Variants in FHOD3 observed in about 807,000 individuals in gnomAD.
The protein encoded by FHOD3 is FH1/FH2 domain-containing protein 3.
A neutral mutation model predicts 173.0 loss-of-function variants in FHOD3; 90 were observed. The observed-to-expected ratio is 0.52, with a 90% CI of 0.44 to 0.62. The LOEUF is 0.62. FHOD3 is among the 20% of genes least tolerant of loss of function. The pLI, the probability that FHOD3 is intolerant of heterozygous loss-of-function variation, is 0.00. For synonymous variants in FHOD3, 828 were observed against 823.0 expected, an observed-to-expected ratio of 1.01 and a Z score of -0.10; for missense variants, 1,945 against 2,034.7, an observed-to-expected ratio of 0.96 and a Z score of 0.85.
chr18:36,353,576 T>G (rs997480153), intron 1 of FHOD3, among the ~76,000 whole-genome samples: 2 of 152,232 alleles, frequency 1.3e-5, no homozygotes, highest in Non-Finnish European at 2.9e-5. Context: ...TAGCTTTCAT[T>G]TTGGAATAAT....
At chr18:36,739,707 C>G (rs923231548) in intron 20 of FHOD3, among the ~76,000 whole-genome samples, 2 of 152,122 alleles carry the variant, frequency 1.3e-5, no homozygotes, top group African/African-American at 4.8e-5. Context: ...TAGAGTTATA[C>G]CTATGCGTTT....
At chr18:36,765,927 T>C (rs1234968126) in intron 27 of FHOD3, among the ~76,000 whole-genome samples, 1 of 152,080 alleles carries the variant, frequency 6.6e-6, no homozygotes, top group South Asian at 2.1e-4. Flanking sequence ...TTTGAAGAGA[T>C]GGCTGAGAAT....
chr18:36,741,052 C>G (rs1410846016), intron 21 of FHOD3, among the ~76,000 whole-genome samples: 5 of 152,108 alleles, frequency 3.3e-5, no homozygotes, highest in Non-Finnish European at 7.3e-5. Context: ...GCCTCAGACA[C>G]TAGATTGTGG....
In FHOD3 at chr18:36,456,355, A is replaced by T. The variant is rs570803086; in HGVS notation, c.338-45577A>T. ...AGCTGGGGTCCGGGCTGTAGACTTTATCAGCAGCACCATCTTAGGGGTTTG... is the reference window on the plus strand; with the variant it reads ...AGCTGGGGTCCGGGCTGTAGACTTTTTCAGCAGCACCATCTTAGGGGTTTG... On this transcript the variant is annotated intron_variant, in intron 3 of 28. Transcript: ENST00000590592. Among the ~76,000 whole-genome samples, 3 of 152,228 alleles carry T rather than the reference A, an allele frequency of 2.0e-5. No homozygotes were observed. In the South Asian group the frequency reaches 6.2e-4, roughly 32 times the overall value.
At position 36,361,520 on chromosome 18, in the gene FHOD3, A is replaced by G. The variant is rs376510681; in HGVS notation, c.272+5875A>G. ...GGCCAACATGGGAAACGCTGTCTCT[A>G]CTAAAAATACAAAAAATTAGCTGGG... is the stretch of plus-strand genomic sequence containing the variant. On this transcript the variant is annotated intron_variant, in intron 2 of 28. Transcript: ENST00000590592. 2.3e-3 allele frequency among the ~76,000 whole-genome samples: 355 copies of G among 152,068 alleles called. 3 individuals carry two copies. The highest frequency in any genetic ancestry group is 8.2e-3 in the African/African-American group (338 of 41,462).
intron 1 of FHOD3, among the ~76,000 whole-genome samples, chr18:36,327,311 G>A (rs866730740): frequency 6.6e-6 from 1 of 152,228 alleles, no homozygotes; most frequent in African/African-American, 2.4e-5. Context: ...TCCAGGAGTG[G>A]CATCTAGATG....
intron 3 of FHOD3, among the ~76,000 whole-genome samples, chr18:36,399,480 C>T (rs146249049): frequency 6.6e-6 from 1 of 152,288 alleles, no homozygotes; most frequent in Non-Finnish European, 1.5e-5. Flanking sequence ...TGAAAGCTCC[C>T]TTAGGAGATC....
chr18:36,438,004 C>T (rs975941946), intron 3 of FHOD3, among the ~76,000 whole-genome samples: 4 of 151,942 alleles, frequency 2.6e-5, no homozygotes, highest in Non-Finnish European at 5.9e-5. Context: ...CAGTGGCATC[C>T]CCTGCACTGC....
At chr18:36,538,667 T>A (rs981905264) in intron 5 of FHOD3, among the ~76,000 whole-genome samples, 22 of 152,208 alleles carry the variant, frequency 1.4e-4, no homozygotes, top group Non-Finnish European at 2.5e-4. Context: ...ACATACAACT[T>A]GGATGGATCT....
At chr18:36,468,360 C>T (rs1010380778) in intron 3 of FHOD3, among the ~76,000 whole-genome samples, 1 of 152,140 alleles carries the variant, frequency 6.6e-6, no homozygotes, top group Non-Finnish European at 1.5e-5. Context: ...TGATAAGGGC[C>T]CAGATGGCCA....
chr18:36,779,351 GA>G, intron 28 of FHOD3, 96 bp from the exon 29 acceptor site: 1 of 1,080,654 alleles, frequency 9.3e-7, no homozygotes, highest in Non-Finnish European at 1.4e-6. Flanking sequence ...AGTCCCTGGG[GA>G]GAAGGGGGGA....
chr18:36,534,970 C>T (rs1428604325), intron 5 of FHOD3, among the ~76,000 whole-genome samples: 2 of 152,226 alleles, frequency 1.3e-5, no homozygotes, highest in African/African-American at 4.8e-5. Context: ...GTCTGGGCCA[C>T]TTTGATGTCT....
At chr18:36,455,603 C>A (rs1312277000) in intron 3 of FHOD3, among the ~76,000 whole-genome samples, 1 of 148,904 alleles carries the variant, frequency 6.7e-6, no homozygotes, top group Non-Finnish European at 1.5e-5. Context: ...GTCTAGGGAT[C>A]ACAGGTAAAT....
chr18:36,594,835 G>A lies in FHOD3; in HGVS notation c.655G>A (p.Glu219Lys). 1 of 1,613,966 alleles carries A rather than the reference G, an allele frequency of 6.2e-7. No homozygotes were observed. The highest frequency in any genetic ancestry group is 8.5e-7 in the Non-Finnish European group (1 of 1,179,964). The change falls in exon 7 of 29, where the codon GAG becomes AAG. Residue 219 changes from glutamate (E) to lysine (K), a missense_variant. Glu to Lys is a moderately conservative substitution (Grantham distance 56, BLOSUM62 1). Coordinates refer to ENST00000590592, the MANE Select transcript of FHOD3 (RefSeq NM_001281740.3). ...CCTGAAGCTGCTGCTCGTCTTTGTA[G>A]AGTACTCGGAGTCCAACGCACCTCT... ...TALKLLLVFV[E>K]YSESNAPLLI...
intron 15 of FHOD3, among the ~76,000 whole-genome samples, chr18:36,684,792 C>T (rs982847119): frequency 6.6e-6 from 1 of 152,058 alleles, no homozygotes; most frequent in African/African-American, 2.4e-5. Context: ...GACAAGAGTG[C>T]ATTGGTTTTT....
At chr18:36,696,060 C>T (rs113109831) in intron 17 of FHOD3, among the ~76,000 whole-genome samples, 3 of 152,314 alleles carry the variant, frequency 2.0e-5, no homozygotes, top group African/African-American at 7.2e-5. Context: ...ATACGCTTCA[C>T]ATTTTTGTAG....
At position 36,591,725 on chromosome 18, in the gene FHOD3, C is replaced by A. The variant is rs1302820031; in HGVS notation, c.607-3062C>A. On this transcript the variant is annotated intron_variant, in intron 6 of 28. Coordinates refer to ENST00000590592, the MANE Select transcript of FHOD3 (RefSeq NM_001281740.3). Reference sequence around the variant, plus strand: ...TGGATCCCAGGAGTTTAAGACCAGTCTGGGCAACATAGAGAGACACTATCT... The same window carrying A: ...TGGATCCCAGGAGTTTAAGACCAGTATGGGCAACATAGAGAGACACTATCT... Among the ~76,000 whole-genome samples the A allele has an allele frequency of 2.0e-5, 3 of 150,296 alleles. No homozygotes were observed. In the Admixed American group the frequency reaches 2.0e-4, roughly 10 times the overall value.
At chr18:36,399,656 C>T (rs1233365967) in intron 3 of FHOD3, among the ~76,000 whole-genome samples, 3 of 152,196 alleles carry the variant, frequency 2.0e-5, no homozygotes, top group Non-Finnish European at 4.4e-5. Context: ...TGCTCAGGTG[C>T]TCTAGGGCCT....
rs386387404 is a variant in FHOD3, at chr18:36,549,532, C to CTTTTTT, written c.512-26901_512-26896dup. On this transcript the variant is annotated intron_variant, in intron 5 of 28. Coordinates refer to ENST00000590592, the MANE Select transcript of FHOD3 (RefSeq NM_001281740.3). Reference sequence around the variant, plus strand: ...ACATTTAGTGTCAGATCTAAGAAATCTTTTTTTTTTTTTTTTTTTTTTTGA... The same window carrying CTTTTTT: ...ACATTTAGTGTCAGATCTAAGAAATCTTTTTTTTTTTTTTTTTTTTTTTTTTTTTGA... Among the ~76,000 whole-genome samples the CTTTTTT allele has an allele frequency of 4.3e-3, 309 of 71,222 alleles. 19 individuals carry two copies. The highest frequency in any genetic ancestry group is 0.013 in the African/African-American group (229 of 17,442). The allele number at this position is 71,222 out of a possible 152,430, so 46.7% of individuals were successfully genotyped here.
Sources: allele counts gnomAD v4.1 joint callset (sites outside exome capture counted in the v4.1 genomes callset), GRCh38; gene constraint gnomAD v4.1.1; transcripts MANE v1.5; gene names NCBI Gene and HGNC (gene_info 2026-07-23, HGNC 2026-07-21).